The following DNAH5 variants were observed in gnomAD, a reference collection of about 807,000 sequenced individuals.
DNAH5 encodes the protein axonemal beta dynein heavy chain 5.
DNAH5 carries 372 observed loss-of-function variants against 518.2 expected under a neutral mutation model. That is an observed-to-expected ratio of 0.72 (90% CI 0.66 to 0.78). DNAH5 has a LOEUF of 0.78. Among genes scored for constraint, DNAH5 ranks in the 30% least tolerant of loss-of-function variants. The pLI is 0.00. For synonymous variants in DNAH5, 2,039 were observed against 2,025.9 expected (o/e 1.01, Z -0.17); for missense variants, 5,523 against 5,687.0 (o/e 0.97, Z 0.93).
intron 15 of DNAH5, chr5:13,898,806 T>C: frequency 2.5e-6 from 1 of 393,544 alleles, no homozygotes; most frequent in Non-Finnish European, 4.5e-6. Context: ...GTTTCCATGT[T>C]GTCAGATTCC....
rs1054085398 is a variant in DNAH5, at chr5:13,707,949, T to TA, written c.13338+173dup. On this transcript the variant is annotated intron_variant, in intron 76 of 78. Transcript: ENST00000265104. This position sits in a 1 kb window ranked among gnomAD's most constrained non-coding sequence, Gnocchi z 4.0. ...AGAGAACCTGATTCGTGGGATTTGC[T>TA]AAAAAAAAACTTCCTTCCCTACCTA... is the stretch of plus-strand genomic sequence containing the variant. Among the ~76,000 whole-genome samples the TA allele has an allele frequency of 5.2e-4, 78 of 151,300 alleles. No individual in the cohort carries two copies. Among genetic ancestry groups the TA allele is most frequent in the Admixed American group, 3.0e-3 (45 of 15,212 alleles).
At chr5:13,794,236 T>G (rs1757483594) in intron 47 of DNAH5, among the ~76,000 whole-genome samples, 178 bp from the exon 48 acceptor site, 1 of 152,230 alleles carries the variant, frequency 6.6e-6, no homozygotes, top group South Asian at 2.1e-4. Context: ...TGTATAACAT[T>G]CACAAAATTT....
At chr5:13,751,599 T>C (rs1351563019) in intron 64 of DNAH5, among the ~76,000 whole-genome samples, 1 of 152,110 alleles carries the variant, frequency 6.6e-6, no homozygotes, top group Non-Finnish European at 1.5e-5. Flanking sequence ...ATGCTACACA[T>C]GCACCGAAAG....
Position 13,931,229 on chromosome 5 carries a change from C to T in DNAH5, c.73G>A (p.Glu25Lys). ...AAAAGAGCCCGCTTGGCTTCCTTCT[C>T]TCCCTTCAGTCTTTGCTAAAAGAAA... ...TRVLTQRLKGEKEAKRALLDA... is the reference protein window; with the variant it reads ...TRVLTQRLKGKKEAKRALLDA... The change falls in exon 2 of 79, where the codon GAG (glutamate) becomes AAG (lysine). Residue 25 changes from glutamate to lysine, a missense_variant. Physicochemically the swap from Glu to Lys is moderately conservative, Grantham distance 56 (BLOSUM62 1). This residue lies in a region of DNAH5 where 5,121 missense variants were observed against 5,223.3 expected (regional missense o/e 0.98). Coordinates refer to ENST00000265104, the MANE Select transcript of DNAH5 (RefSeq NM_001369.3). 5 of 1,614,148 alleles carry T rather than the reference C, an allele frequency of 3.1e-6. No homozygotes were observed. Among genetic ancestry groups the T allele is most frequent in the Non-Finnish European group, 4.2e-6 (5 of 1,179,970 alleles).
At chr5:13,809,552 C>T (rs955519811) in intron 45 of DNAH5, among the ~76,000 whole-genome samples, 1 of 152,132 alleles carries the variant, frequency 6.6e-6, no homozygotes, top group African/African-American at 2.4e-5. Context: ...GGCAAAAGAT[C>T]CTAGGCTGAT....
rs778142255 is a variant in DNAH5 at position 13,788,728 on chromosome 5, G to T, written c.8635C>A (p.Pro2879Thr). ...TYFVDFLRDAPEAAGETSEEA... is the reference protein window; with the variant it reads ...TYFVDFLRDATEAAGETSEEA... ...TTCAATAGTTTACCTGCAGCTTCAGGTGCATCTCTCAAGAAATCCACAAAA... is the reference window on the plus strand; with the variant it reads ...TTCAATAGTTTACCTGCAGCTTCAGTTGCATCTCTCAAGAAATCCACAAAA... Residue 2879 changes from proline to threonine, a missense_variant, in exon 51 of 79, where the codon CCT becomes ACT. Transcript: ENST00000265104. The T allele has an allele frequency of 6.2e-7, 1 of 1,613,758 alleles. No homozygotes were observed. The highest frequency in any genetic ancestry group is 1.3e-5 in the African/African-American group (1 of 75,008).
In DNAH5 at chr5:13,727,607, G is replaced by A. The variant is rs753473802; in HGVS notation, c.11933C>T (p.Pro3978Leu). 2.7e-5 allele frequency: 44 copies of A among 1,613,618 alleles called. 1 individual carries two copies. The highest frequency in any genetic ancestry group is 4.5e-5 in the East Asian group (2 of 44,822). The stretch of plus-strand genomic sequence containing the variant: ...GGCATTTGGAAGAGGTTCCTCCTCC[G>A]GGTTTTCCTTATCAAACCAAATTTT... ...MWKIWFDKENPEEEPLPNAYD... is the reference protein window; with the variant it reads ...MWKIWFDKENLEEEPLPNAYD... The change falls in exon 70 of 79, where the codon CCG becomes CTG. Residue 3978 changes from proline (P) to leucine (L), a missense_variant. Physicochemically the swap from Pro to Leu is moderately conservative, Grantham distance 98. Transcript: ENST00000265104.
Position 13,862,507 on chromosome 5 carries a change from C to T in DNAH5, c.4796+41G>A, listed in dbSNP as rs7704417. On this transcript the variant is annotated intron_variant, in intron 29 of 78. Transcript: ENST00000265104. ...CATTAATTTTAAATGTTTGCTATTA[C>T]GGTTCTCAAATCTAAGGGAAAAGAT... The T allele has an allele frequency of 0.4, 633,639 of 1,573,626 alleles. 129,624 individuals are homozygous for T. The highest frequency in any genetic ancestry group is 0.47 in the South Asian group (42,518 of 90,120).
Position 13,955,505 on chromosome 5 carries a change from T to C in DNAH5, c.13-24261A>G, listed in dbSNP as rs776265832. Among the ~76,000 whole-genome samples the C allele has an allele frequency of 3.9e-5, 6 of 152,050 alleles. No individual in the cohort carries two copies. In the East Asian group the frequency reaches 5.8e-4, roughly 15 times the overall value. On this transcript the variant is annotated intron_variant, in intron 1 of 78. Transcript: ENST00000681290. ...GCTCATTACATAATAATAACAAATGTAAAGAAACAAAAATTGGAGGGGTTA... is the reference window on the plus strand; with the variant it reads ...GCTCATTACATAATAATAACAAATGCAAAGAAACAAAAATTGGAGGGGTTA...
intron 50 of DNAH5, among the ~76,000 whole-genome samples, chr5:13,791,138 T>C (rs1429793960): frequency 6.6e-6 from 1 of 152,182 alleles, no homozygotes; most frequent in Non-Finnish European, 1.5e-5. Context: ...TGGTTACCTA[T>C]ATTGCAAGCA....
Position 13,911,577 on chromosome 5 carries a change from T to C in DNAH5, c.1537-84A>G, listed in dbSNP as rs188274723. 2.8e-5 allele frequency: 30 copies of C among 1,053,522 alleles called. No individual in the cohort carries two copies. In the East Asian group the frequency reaches 7.6e-4, roughly 27 times the overall value. 65.3% of individuals were successfully genotyped at this position (1,053,522 alleles called of 1,614,324 possible). A position where few individuals can be genotyped will look rare whatever the true frequency, so the allele number is the denominator to read the frequency against. On this transcript the variant is annotated intron_variant, in intron 11 of 78. Coordinates refer to ENST00000265104, the MANE Select transcript of DNAH5 (RefSeq NM_001369.3). ...ATATGACCCTTAAATGTAGAGCCTA[T>C]ACAATAATTGCCAGAAAAAAAATAA...
rs568044498 is a variant in DNAH5 at position 13,920,745 on chromosome 5, C to CT, written c.661-129dup. On this transcript the variant is annotated intron_variant, in intron 5 of 78. Transcript: ENST00000265104. ...AAGCCCACCAGGTAGCACATACCTC[C>CT]TCTCCACTCCCACGTGCCTTTGTCC... 1.5e-4 allele frequency: 133 copies of CT among 911,982 alleles called. No individual in the cohort carries two copies. In the East Asian group the frequency reaches 3.1e-3, roughly 21 times the overall value. 56.5% of individuals were successfully genotyped at this position (911,982 alleles called of 1,614,324 possible).
chr5:13,728,385 T>C (rs1746040279), intron 69 of DNAH5, among the ~76,000 whole-genome samples: 1 of 152,194 alleles, frequency 6.6e-6, no homozygotes, highest in Admixed American at 6.5e-5. Flanking sequence ...CCAATGTCTT[T>C]CTTGGGATAT....
chr5:13,700,947 C>A, intron 77 of DNAH5, 76 bp from the exon 78 acceptor site: 1 of 1,443,188 alleles, frequency 6.9e-7, no homozygotes, highest in Non-Finnish European at 9.7e-7. Flanking sequence ...ATAATGAAAG[C>A]TTGGCTCCGA....
At chr5:13,991,830 C>T (rs1182643311) in intron 1 of DNAH5, among the ~76,000 whole-genome samples, 1 of 152,136 alleles carries the variant, frequency 6.6e-6, no homozygotes, top group Non-Finnish European at 1.5e-5. Context: ...TGTCCCTCAG[C>T]ACAGACTTTA....
At position 13,931,115 on chromosome 5, in the gene DNAH5, T is replaced by C; in HGVS notation, c.187A>G (p.Asn63Asp). ...AGAAGTGAAACGCATCCCACCTGAT[T>C]CCCTTCAAGAATGGCATCCTCCACT... Reference protein sequence around the residue: ...TEVEDAILEGNQIERIDQLFA... With the variant: ...TEVEDAILEGDQIERIDQLFA... The change falls in exon 2 of 79, where the codon AAT becomes GAT. Residue 63 changes from asparagine (N) to aspartate (D), a missense_variant. Asn to Asp is a conservative substitution (Grantham distance 23, BLOSUM62 1). Coordinates refer to ENST00000265104, the MANE Select transcript of DNAH5 (RefSeq NM_001369.3). The C allele has an allele frequency of 6.2e-7, 1 of 1,614,084 alleles. No homozygotes were observed. The highest frequency in any genetic ancestry group is 2.2e-5 in the East Asian group (1 of 44,870).
At chr5:13,731,203 T>C (rs927116758) in intron 68 of DNAH5, among the ~76,000 whole-genome samples, 1 of 152,268 alleles carries the variant, frequency 6.6e-6, no homozygotes, top group Admixed American at 6.5e-5. Context: ...GAGGTCAGTA[T>C]GGCCTTGAAG....
At chr5:13,918,533 G>A (rs530259070) in intron 7 of DNAH5, among the ~76,000 whole-genome samples, 1 of 152,068 alleles carries the variant, frequency 6.6e-6, no homozygotes, top group Non-Finnish European at 1.5e-5. Context: ...GCAGTGGCAC[G>A]ACCTCGGCTC....
chr5:13,710,689 A>C (rs770040182), intron 75 of DNAH5, among the ~76,000 whole-genome samples: 26 of 152,224 alleles, frequency 1.7e-4, no homozygotes, highest in Non-Finnish European at 3.1e-4. Context: ...GCGATATTAC[A>C]ACTGACACCA....
Sources: allele counts gnomAD v4.1 joint callset (sites outside exome capture counted in the v4.1 genomes callset), GRCh38; gene constraint gnomAD v4.1.1; regional missense constraint gnomAD v4.1.1; non-coding constraint Gnocchi (gnomAD v3.1); transcripts MANE v1.5; gene names NCBI Gene and HGNC (gene_info 2026-07-23, HGNC 2026-07-21).